Variants in RAB11FIP1 observed in about 807,000 individuals in gnomAD.
RAB11FIP1 encodes rab11 family-interacting protein 1.
A neutral mutation model predicts 83.1 loss-of-function variants in RAB11FIP1; 49 were observed. The ratio of observed to expected loss-of-function variants is 0.59; its 90% CI spans 0.47 to 0.75. The LOEUF is 0.75. Among genes scored for constraint, RAB11FIP1 ranks in the 30% least tolerant of loss-of-function variants. RAB11FIP1 has a pLI of 0.00. For missense variants in RAB11FIP1, 1,536 were observed against 1,598.7 expected, an observed-to-expected ratio of 0.96 and a Z score of 0.67; for synonymous variants, 670 against 656.0, an observed-to-expected ratio of 1.02 and a Z score of -0.33.
chr8:37,897,818 G>A (rs1157308627), intron 1 of RAB11FIP1, among the ~76,000 whole-genome samples: 1 of 152,116 alleles, frequency 6.6e-6, no homozygotes, highest in Non-Finnish European at 1.5e-5. Context: ...CTTTCTGTAG[G>A]GGCAAATTCT....
In RAB11FIP1 at chr8:37,872,230, G is replaced by T; in HGVS notation, c.2572C>A (p.His858Asn). The change falls in exon 4 of 6, where the codon CAC becomes AAC. Residue 858 changes from histidine to asparagine, a missense_variant. Coordinates refer to ENST00000330843, the MANE Select transcript of RAB11FIP1 (RefSeq NM_001002814.3). ...ASDGEPPESP[H>N]AEDSERESVT... ...GATTCCCTTTCTGAGTCCTCTGCGT[G>T]GGGAGACTCAGGAGGCTCTCCGTCA... The T allele has an allele frequency of 6.2e-7, 1 of 1,614,096 alleles. No homozygotes were observed. Among genetic ancestry groups the T allele is most frequent in the Non-Finnish European group, 8.5e-7 (1 of 1,180,008 alleles).
Position 37,872,777 on chromosome 8 carries a change from G to T in RAB11FIP1, c.2025C>A (p.Thr675=). 1 of 1,614,200 alleles carries T rather than the reference G, an allele frequency of 6.2e-7. No individual in the cohort carries two copies. Among genetic ancestry groups the T allele is most frequent in the Non-Finnish European group, 8.5e-7 (1 of 1,180,040 alleles). The change falls in exon 4 of 6, where the codon ACC becomes ACA. Residue 675 remains threonine (T), a synonymous_variant. Transcript: ENST00000330843. ...KGTEDSLMGR[T]RETGTEKNTS... ...TGTTCTTCTCTGTGCCTGTCTCACG[G>T]GTCCTGCCCATCAGAGAATCTTCTG...
At position 37,874,876 on chromosome 8, in the gene RAB11FIP1, T is replaced by C. The variant is rs768255998; in HGVS notation, c.1261A>G (p.Lys421Glu). Residue 421 changes from lysine to glutamate, a missense_variant, in exon 3 of 6, where the codon AAA (lysine) becomes GAA (glutamate). Transcript: ENST00000330843. Reference protein sequence around the residue: ...NMAPANSEATKEAKESKKPES... With the variant: ...NMAPANSEATEEAKESKKPES... The stretch of plus-strand genomic sequence containing the variant: ...GGCTTCTTGCTCTCCTTAGCTTCTT[T>C]TGTGGCCTCTGAGTTTGCGGGGGCC... The C allele has an allele frequency of 1.2e-6, 2 of 1,614,144 alleles. No homozygotes were observed. The highest frequency in any genetic ancestry group is 2.2e-5 in the South Asian group (2 of 91,078).
intron 1 of RAB11FIP1, among the ~76,000 whole-genome samples, chr8:37,893,673 C>T (rs1427903434): frequency 1.3e-5 from 2 of 152,014 alleles, no homozygotes; most frequent in Non-Finnish European, 2.9e-5. Context: ...CCCTGTAGTC[C>T]CAGCTACTCG....
chr8:37,879,104 T>C lies in RAB11FIP1; in HGVS notation c.372-1553A>G, dbSNP rs549863935. On this transcript the variant is annotated intron_variant, in intron 1 of 5. Coordinates refer to ENST00000330843, the MANE Select transcript of RAB11FIP1 (RefSeq NM_001002814.3). ...AGGCAGATCACCTGAGGTCAGGAAC[T>C]CAAGACCAGCCTGGCCAACATGGCG... Among the ~76,000 whole-genome samples, 11 of 152,198 alleles carry C rather than the reference T, an allele frequency of 7.2e-5. No homozygotes were observed. In the East Asian group the frequency reaches 2.1e-3, roughly 30 times the overall value.
chr8:37,866,250 G>A (rs755001004), intron 5 of RAB11FIP1, among the ~76,000 whole-genome samples: 1 of 151,844 alleles, frequency 6.6e-6, no homozygotes, highest in South Asian at 2.1e-4. Flanking sequence ...CAGGAGAATC[G>A]CTTGAACTCG....
At position 37,872,550 on chromosome 8, in the gene RAB11FIP1, T is replaced by C. The variant is rs1806495993; in HGVS notation, c.2252A>G (p.Asp751Gly). 6.2e-7 allele frequency: 1 copy of C among 1,614,070 alleles called. No individual in the cohort carries two copies. Among genetic ancestry groups the C allele is most frequent in the African/African-American group, 1.3e-5 (1 of 74,922 alleles). ...VGELAAGGDR[D>G]LESQAGSLVE... The stretch of plus-strand genomic sequence containing the variant: ...AAGAGACCCAGCCTGACTCTCCAAG[T>C]CTCTGTCTCCTCCTGCTGCAAGCTC... The change falls in exon 4 of 6, where the codon GAC becomes GGC. Residue 751 changes from aspartate (D) to glycine (G), a missense_variant. Physicochemically the swap from Asp to Gly is moderately conservative, Grantham distance 94. Coordinates refer to ENST00000330843, the MANE Select transcript of RAB11FIP1 (RefSeq NM_001002814.3).
At chr8:37,887,939 A>C (rs1241314195) in intron 1 of RAB11FIP1, among the ~76,000 whole-genome samples, 1 of 152,250 alleles carries the variant, frequency 6.6e-6, no homozygotes, top group Non-Finnish European at 1.5e-5. Context: ...CTACCCATTC[A>C]GATGATTCTC....
intron 2 of RAB11FIP1, 42 bp from the exon 3 acceptor site, chr8:37,875,364 C>G: frequency 6.6e-7 from 1 of 1,503,818 alleles, no homozygotes; most frequent in Non-Finnish European, 9.1e-7. Flanking sequence ...AGATGTTAAA[C>G]GGGTGGTTTG....
At chr8:37,881,508 C>T (rs183522077) in intron 1 of RAB11FIP1, among the ~76,000 whole-genome samples, 1 of 152,228 alleles carries the variant, frequency 6.6e-6, no homozygotes, top group East Asian at 1.9e-4. Context: ...GTTGAGATTA[C>T]TTAAAGGCCA....
intron 2 of RAB11FIP1, among the ~76,000 whole-genome samples, chr8:37,876,680 A>G (rs1806619576): frequency 6.6e-6 from 1 of 151,142 alleles, no homozygotes; most frequent in South Asian, 2.1e-4. Flanking sequence ...TCACTCTGTC[A>G]CCCAGGCTGG....
Position 37,872,074 on chromosome 8 carries a change from G to C in RAB11FIP1, c.2728C>G (p.Leu910Val), listed in dbSNP as rs1806478583. 1 of 1,614,080 alleles carries C rather than the reference G, an allele frequency of 6.2e-7. No individual in the cohort carries two copies. The highest frequency in any genetic ancestry group is 8.5e-7 in the Non-Finnish European group (1 of 1,179,970). The change falls in exon 4 of 6, where the codon CTC becomes GTC. Residue 910 changes from leucine to valine, a missense_variant. Coordinates refer to ENST00000330843, the MANE Select transcript of RAB11FIP1 (RefSeq NM_001002814.3). ...GCATCCTCTCCCTCCATCCTAAAGAGTGGAGTGTCTTTCGCTGAGCTTGCT... is the reference window on the plus strand; with the variant it reads ...GCATCCTCTCCCTCCATCCTAAAGACTGGAGTGTCTTTCGCTGAGCTTGCT... ...SEASSAKDTPLFRMEGEDALV... is the reference protein window; with the variant it reads ...SEASSAKDTPVFRMEGEDALV...
At chr8:37,863,145 G>A (rs747088878) in intron 5 of RAB11FIP1, 32 bp from the exon 6 acceptor site, 4 of 1,572,442 alleles carry the variant, frequency 2.5e-6, no homozygotes, top group Non-Finnish European at 8.7e-7. Flanking sequence ...TGGGAAAAAG[G>A]AGTTATAAAA....
At chr8:37,882,058 C>T (rs1420533485) in intron 1 of RAB11FIP1, among the ~76,000 whole-genome samples, 4 of 152,118 alleles carry the variant, frequency 2.6e-5, no homozygotes, top group Admixed American at 2.6e-4. Context: ...TTTCGATGAC[C>T]TCACCAACCG....
intron 1 of RAB11FIP1, among the ~76,000 whole-genome samples, chr8:37,879,324 CA>C (rs969764057): frequency 1.5e-3 from 223 of 145,226 alleles, no homozygotes; most frequent in African/African-American, 5.4e-3. Context: ...TCAAAAAAAA[CA>C]AAAAAAAAAG....
At position 37,862,024 on chromosome 8, in the gene RAB11FIP1, A is replaced by C. The variant is rs544944251; in HGVS notation, c.*871T>G. 1.2e-4 allele frequency: 20 copies of C among 168,130 alleles called. No individual in the cohort carries two copies. The South Asian group carries it at 2.6e-3, about 22-fold the overall frequency. 10.4% of individuals were successfully genotyped at this position (168,130 alleles called of 1,614,324 possible). ...AGCAATCGTATTGACATCATTCCACACCTGGAGAACTGTATTAGCGAGTGC... is the reference window on the plus strand; with the variant it reads ...AGCAATCGTATTGACATCATTCCACCCCTGGAGAACTGTATTAGCGAGTGC... On this transcript the variant is annotated 3_prime_UTR_variant, in exon 6 of 6. Coordinates refer to ENST00000330843, the MANE Select transcript of RAB11FIP1 (RefSeq NM_001002814.3).
At chr8:37,888,918 C>G (rs1257888402) in intron 1 of RAB11FIP1, among the ~76,000 whole-genome samples, 2 of 151,758 alleles carry the variant, frequency 1.3e-5, no homozygotes, top group Non-Finnish European at 2.9e-5. Flanking sequence ...CTGCCTCAGC[C>G]TCCTGAGTAG....
At chr8:37,878,055 GTTTT>G (rs918753073) in intron 1 of RAB11FIP1, 1 of 152,348 alleles carries the variant, frequency 6.6e-6, no homozygotes, top group Non-Finnish European at 1.5e-5. Flanking sequence ...CTTTTGTTTT[GTTTT>G]TTATTTTGCA....
chr8:37,883,057 C>T (rs1459166490), intron 1 of RAB11FIP1, among the ~76,000 whole-genome samples: 3 of 152,156 alleles, frequency 2.0e-5, no homozygotes, highest in African/African-American at 7.2e-5. Flanking sequence ...ATGAAACAGG[C>T]TGAATCACAG....
Sources: gnomAD v4.1 joint callset for allele counts (sites outside exome capture counted in the v4.1 genomes callset) on GRCh38, gnomAD v4.1.1 for gene constraint, MANE v1.5 for transcripts, NCBI Gene and HGNC (gene_info 2026-07-23, HGNC 2026-07-21) for gene names.